The following CPS1 variants were observed in gnomAD, a reference collection of about 807,000 sequenced individuals.
CPS1 encodes the protein carbamoyl-phosphate synthase 1, also known as carbamoyl-phosphate synthase [ammonia], mitochondrial.
CPS1 carries 109 observed loss-of-function variants against 174.6 expected under a neutral mutation model. The ratio of observed to expected loss-of-function variants is 0.62; its 90% confidence interval spans 0.53 to 0.73. The LOEUF (loss-of-function observed/expected upper bound fraction) is 0.73, where lower values mean the gene tolerates loss of function less well. Ranked by LOEUF, CPS1 falls within the 30% of genes least tolerant of loss-of-function variation. The probability of loss-of-function intolerance (pLI) is 0.00; values close to 1 mark genes in which losing one functional copy is unlikely to be tolerated. For synonymous variants in CPS1, 637 were observed against 632.0 expected (o/e 1.01, Z -0.12); for missense variants, 1,689 against 1,821.9 (o/e 0.93, Z 1.33).
chr2:210,482,707 A>G (rs973769592), intron 1 of CPS1, among the ~76,000 whole-genome samples: 9 of 151,892 alleles, frequency 5.9e-5, no homozygotes, highest in Admixed American at 2.6e-4. Flanking sequence ...CACAATTCTG[A>G]ATATAAAAGC....
intron 33 of CPS1, among the ~76,000 whole-genome samples, chr2:210,665,192 G>A (rs1701051119): frequency 6.6e-6 from 1 of 152,154 alleles, no homozygotes; most frequent in African/African-American, 2.4e-5. Flanking sequence ...TGTTCACTGT[G>A]GAGAGAAAAG....
At position 210,495,328 on chromosome 2, in the gene CPS1, G is replaced by A. The variant is rs149005926; in HGVS notation, c.3+17562G>A. On this transcript the variant is annotated intron_variant, in intron 1 of 38. Coordinates refer to the CPS1 transcript ENST00000430249. ...CATGACACTTTTGGTCCAGTGGTGC[G>A]GCATGCTTCGAGAACTGGCATCTTT... 7.9e-5 allele frequency among the ~76,000 whole-genome samples: 12 copies of A among 152,160 alleles called. No homozygotes were observed. The East Asian group carries it at 2.1e-3, about 27-fold the overall frequency.
intron 33 of CPS1, 24 bp from the exon 34 acceptor site, chr2:210,668,162 A>G (rs758426793): frequency 5.7e-6 from 9 of 1,570,190 alleles, no homozygotes; most frequent in African/African-American, 1.4e-5. Flanking sequence ...CCTCTATTTT[A>G]ATTTTTTATT....
chr2:210,675,399 C>T (rs913895526), intron 35 of CPS1, among the ~76,000 whole-genome samples: 1 of 152,066 alleles, frequency 6.6e-6, no homozygotes, highest in African/African-American at 2.4e-5. Context: ...ATTTTTTGAC[C>T]TGCTAACAAG....
chr2:210,557,628 G>A (rs1186537989), intron 1 of CPS1, among the ~76,000 whole-genome samples: 1 of 152,054 alleles, frequency 6.6e-6, no homozygotes, highest in Non-Finnish European at 1.5e-5. Context: ...GAAGCCTGAA[G>A]TTACTCCATA....
At chr2:210,490,067 A>AGAAG (rs146316563) in intron 1 of CPS1, among the ~76,000 whole-genome samples, 6 of 150,872 alleles carry the variant, frequency 4.0e-5, no homozygotes, top group Non-Finnish European at 7.4e-5. Context: ...GATGGAAGGA[A>AGAAG]GAAGGAAGGA....
At chr2:210,630,082 A>C (rs1430115470) in intron 21 of CPS1, among the ~76,000 whole-genome samples, 2 of 134,308 alleles carry the variant, frequency 1.5e-5, no homozygotes, top group Non-Finnish European at 3.4e-5. Flanking sequence ...CAAAAAACAA[A>C]AAAACAAAAC....
At chr2:210,677,186 C>T (rs1171446032) in intron 37 of CPS1, 50 bp downstream of exon 37, 1 of 1,579,540 alleles carries the variant, frequency 6.3e-7, no homozygotes. Flanking sequence ...TATTTCTGTG[C>T]CTCCCTTAAG....
chr2:210,605,184 C>G lies in CPS1; in HGVS notation c.1919C>G (p.Ala640Gly). 2 of 1,612,240 alleles carry G rather than the reference C, an allele frequency of 1.2e-6. No individual in the cohort carries two copies. Among genetic ancestry groups the G allele is most frequent in the Non-Finnish European group, 1.7e-6 (2 of 1,178,826 alleles). Residue 640 changes from alanine (A) to glycine (G), a missense_variant, in exon 17 of 38, where the codon GCT (alanine) becomes GGT (glycine). Transcript: ENST00000233072. Reference sequence around the variant, plus strand: ...ATAGAATATGAAGTGGTTCGAGATGCTGATGACAATTGTGTCACTGTCTGT... The same window carrying G: ...ATAGAATATGAAGTGGTTCGAGATGGTGATGACAATTGTGTCACTGTCTGT... ...KEIEYEVVRD[A>G]DDNCVTVCNM...
At chr2:210,531,323 C>T (rs1026289764) in intron 1 of CPS1, among the ~76,000 whole-genome samples, 4 of 152,088 alleles carry the variant, frequency 2.6e-5, no homozygotes, top group Non-Finnish European at 5.9e-5. Flanking sequence ...CCAGCCTTGG[C>T]TCCTGTGGTT....
rs4325692 is a variant in CPS1 at position 210,674,639 on chromosome 2, A to G, written c.4102-263A>G. On this transcript the variant is annotated intron_variant, in intron 34 of 37. Coordinates refer to ENST00000233072, the MANE Select transcript of CPS1 (RefSeq NM_001875.5). ...GGATCTGAACTTACAAAGACCAAGTAGATTAAATAGAGAATAAAAGGAGAT... is the reference window on the plus strand; with the variant it reads ...GGATCTGAACTTACAAAGACCAAGTGGATTAAATAGAGAATAAAAGGAGAT... 449,471 of 500,054 alleles carry G rather than the reference A, an allele frequency of 0.9. 202,223 individuals carry two copies. The highest frequency in any genetic ancestry group is 0.96 in the East Asian group (27,421 of 28,686). The allele number at this position is 500,054 out of a possible 1,614,324, so 31.0% of individuals were successfully genotyped here.
At chr2:210,616,917 C>G (rs184533699) in intron 21 of CPS1, among the ~76,000 whole-genome samples, 1 of 152,044 alleles carries the variant, frequency 6.6e-6, no homozygotes, top group East Asian at 1.9e-4. Context: ...AAATTTTCCT[C>G]TACATTCTGA....
chr2:210,543,758 C>A (rs1696491115), intron 1 of CPS1, among the ~76,000 whole-genome samples: 1 of 152,028 alleles, frequency 6.6e-6, no homozygotes, highest in Non-Finnish European at 1.5e-5. Context: ...GGGACCATGT[C>A]ATTTCATTTC....
At chr2:210,487,774 A>G (rs557335573) in intron 1 of CPS1, among the ~76,000 whole-genome samples, 1 of 152,204 alleles carries the variant, frequency 6.6e-6, no homozygotes, top group East Asian at 1.9e-4. Context: ...GTGTTCGGAT[A>G]GTAAATTTAC....
At chr2:210,663,579 A>G (rs1700992281) in intron 33 of CPS1, among the ~76,000 whole-genome samples, 1 of 152,152 alleles carries the variant, frequency 6.6e-6, no homozygotes, top group Non-Finnish European at 1.5e-5. Context: ...GATTTTTACT[A>G]GTAATATGGA....
chr2:210,611,963 A>G (rs1699137544), intron 19 of CPS1, among the ~76,000 whole-genome samples, 154 bp from the exon 20 acceptor site: 1 of 124,992 alleles, frequency 8.0e-6, no homozygotes, highest in Non-Finnish European at 1.7e-5. Context: ...GAAGAAAAAA[A>G]GGAACACCTT....
intron 34 of CPS1, among the ~76,000 whole-genome samples, chr2:210,668,847 A>T (rs1701194266): frequency 6.6e-6 from 1 of 152,178 alleles, no homozygotes. Flanking sequence ...CTCAAACTGA[A>T]GTCATATCTG....
chr2:210,582,154 T>C (rs1697941905), intron 5 of CPS1, among the ~76,000 whole-genome samples: 1 of 152,224 alleles, frequency 6.6e-6, no homozygotes, highest in Non-Finnish European at 1.5e-5. Context: ...TTATGTTGCA[T>C]TTCATCTTCT....
chr2:210,502,627 G>A (rs1377791184), intron 1 of CPS1, among the ~76,000 whole-genome samples: 1 of 151,860 alleles, frequency 6.6e-6, no homozygotes, highest in East Asian at 1.9e-4. Flanking sequence ...CAGGACAGGA[G>A]AGAGAAAAAA....
Sources: gnomAD v4.1 joint callset for allele counts (sites outside exome capture counted in the v4.1 genomes callset) on GRCh38, gnomAD v4.1.1 for gene constraint, MANE v1.5 for transcripts, NCBI Gene and HGNC (gene_info 2026-07-23, HGNC 2026-07-21) for gene names.